JMJD1C: variants seen among roughly 807,000 people sequenced by gnomAD.
The protein encoded by JMJD1C is jumonji domain containing 1C, also known as jumonji domain-containing protein 1C.
Under a neutral mutation model 245.3 loss-of-function variants are expected in JMJD1C, and 31 were observed. That is an observed-to-expected ratio of 0.13 (90% CI 0.09 to 0.17). JMJD1C has a LOEUF of 0.17. Ranked by LOEUF, JMJD1C falls within the 10% of genes least tolerant of loss-of-function variation. The pLI, the probability that JMJD1C is intolerant of heterozygous loss-of-function variation, is 1.00. For synonymous variants in JMJD1C, 1,057 were observed against 1,017.4 expected, an observed-to-expected ratio of 1.04 and a Z score of -0.74; for missense variants, 2,691 against 3,000.2, an observed-to-expected ratio of 0.90 and a Z score of 2.41.
intron 2 of JMJD1C, among the ~76,000 whole-genome samples, chr10:63,297,672 C>T (rs1419939474): frequency 1.3e-5 from 2 of 152,178 alleles, no homozygotes; most frequent in African/African-American, 4.8e-5. Flanking sequence ...TTCCGTAACA[C>T]TACAGCCCTC....
At chr10:63,273,898 T>C (rs1358792715) in intron 2 of JMJD1C, among the ~76,000 whole-genome samples, 4 of 152,220 alleles carry the variant, frequency 2.6e-5, no homozygotes, top group Non-Finnish European at 5.9e-5. Flanking sequence ...GAATCTTATA[T>C]GTACAATTTT....
At chr10:63,247,864 C>CA (rs199945791) in intron 3 of JMJD1C, among the ~76,000 whole-genome samples, 3,728 of 118,382 alleles carry the variant, frequency 0.031, 155 homozygotes, top group African/African-American at 0.096. Flanking sequence ...CAAAACAAAA[C>CA]AAACAAAGAA....
intron 16 of JMJD1C, among the ~76,000 whole-genome samples, chr10:63,192,236 G>A (rs945826193): frequency 2.7e-4 from 36 of 130,972 alleles, no homozygotes; most frequent in Admixed American, 2.5e-4. Flanking sequence ...GCAACATGGC[G>A]AAACTTCATG....
At chr10:63,399,051 C>T (rs1443097774) in intron 1 of JMJD1C, among the ~76,000 whole-genome samples, 3 of 152,120 alleles carry the variant, frequency 2.0e-5, no homozygotes, top group Non-Finnish European at 4.4e-5. Context: ...GTTTTGAAAT[C>T]GGTTGGTATC....
intron 18 of JMJD1C, among the ~76,000 whole-genome samples, 154 bp from the exon 19 acceptor site, chr10:63,186,537 A>G (rs572628666): frequency 2.6e-5 from 4 of 152,154 alleles, no homozygotes; most frequent in Non-Finnish European, 1.5e-5. Context: ...GGCTCAATCA[A>G]TCCTTCTACC....
chr10:63,439,317 G>C (rs548928110), intron 1 of JMJD1C, among the ~76,000 whole-genome samples: 1 of 152,198 alleles, frequency 6.6e-6, no homozygotes, highest in East Asian at 1.9e-4. Context: ...CTTTCACTGA[G>C]AATTATTATT....
At chr10:63,334,960 T>C (rs1309606049) in intron 2 of JMJD1C, among the ~76,000 whole-genome samples, 1 of 144,762 alleles carries the variant, frequency 6.9e-6, no homozygotes, top group Non-Finnish European at 1.5e-5. Context: ...CTCCCGCCTC[T>C]GCCTCTCAAA....
In JMJD1C at chr10:63,214,316, A is replaced by G. The variant is rs750146391; in HGVS notation, c.1851T>C (p.Ser617=). The stretch of plus-strand genomic sequence containing the variant: ...TAGATTTTATAGTCTCTGGAGGTGG[A>G]CTTCGCTTATGCAGCTTATCTTCCA... ...SVMEDKLHKR[S]PPPETIKSKL... The change falls in exon 8 of 26, where the codon AGT becomes AGC. Residue 617 remains serine, a synonymous_variant. Coordinates refer to ENST00000399262, the MANE Select transcript of JMJD1C (RefSeq NM_032776.3). 6.2e-7 allele frequency: 1 copy of G among 1,614,004 alleles called. No homozygotes were observed. Among genetic ancestry groups the G allele is most frequent in the Non-Finnish European group, 8.5e-7 (1 of 1,179,902 alleles).
intron 1 of JMJD1C, among the ~76,000 whole-genome samples, chr10:63,413,215 G>GT (rs1347138918): frequency 6.6e-6 from 1 of 152,094 alleles, no homozygotes; most frequent in Non-Finnish European, 1.5e-5. Context: ...TCTTAAAGAG[G>GT]TAACAGGAAA....
chr10:63,420,117 C>G (rs1950035798), intron 1 of JMJD1C, among the ~76,000 whole-genome samples: 2 of 149,280 alleles, frequency 1.3e-5, no homozygotes. Context: ...GCCTGGGCAA[C>G]AGAGGAGACG....
At chr10:63,254,697 GT>G (rs989362596) in intron 3 of JMJD1C, among the ~76,000 whole-genome samples, 29 of 90,542 alleles carry the variant, frequency 3.2e-4, no homozygotes, top group Non-Finnish European at 3.5e-4. Flanking sequence ...TCCCGCAAAA[GT>G]TTTTTTTGTT....
intron 3 of JMJD1C, among the ~76,000 whole-genome samples, chr10:63,242,890 T>C (rs1405996950): frequency 2.0e-5 from 3 of 151,822 alleles, no homozygotes; most frequent in Admixed American, 6.6e-5. Context: ...TATTACCTCA[T>C]AGACAATGGC....
chr10:63,347,003 G>C (rs552549671), intron 2 of JMJD1C, among the ~76,000 whole-genome samples: 1 of 151,864 alleles, frequency 6.6e-6, no homozygotes, highest in South Asian at 2.1e-4. Context: ...AGTAAAGTTG[G>C]CCCCTCAGGG....
chr10:63,254,496 AG>A (rs1312736158), intron 3 of JMJD1C, among the ~76,000 whole-genome samples: 1 of 152,218 alleles, frequency 6.6e-6, no homozygotes, highest in Non-Finnish European at 1.5e-5. Flanking sequence ...TGGCTCACAA[AG>A]GCAGGCAGTG....
At chr10:63,257,748 T>C (rs951850115) in intron 3 of JMJD1C, among the ~76,000 whole-genome samples, 2 of 152,222 alleles carry the variant, frequency 1.3e-5, no homozygotes, top group South Asian at 4.1e-4. Flanking sequence ...ACAGTTTTGT[T>C]GTCATCTTTT....
chr10:63,229,931 T>C (rs946606664), intron 3 of JMJD1C, among the ~76,000 whole-genome samples: 1 of 152,218 alleles, frequency 6.6e-6, no homozygotes, highest in Non-Finnish European at 1.5e-5. Flanking sequence ...AGGTTTAGGT[T>C]TTTTTCCTAA....
intron 4 of JMJD1C, 115 bp from the exon 5 acceptor site, chr10:63,217,446 T>TTAC: frequency 1.3e-6 from 1 of 795,826 alleles, no homozygotes; most frequent in Non-Finnish European, 1.9e-6. Flanking sequence ...AACTATCAGT[T>TTAC]TTCAAAAAAA....
chr10:63,254,956 C>T (rs1329852010), intron 3 of JMJD1C, among the ~76,000 whole-genome samples: 1 of 151,968 alleles, frequency 6.6e-6, no homozygotes, highest in African/African-American at 2.4e-5. Flanking sequence ...TGGGCTCAAG[C>T]GATCCTCCTG....
intron 2 of JMJD1C, among the ~76,000 whole-genome samples, chr10:63,369,554 C>T (rs142595643): frequency 1.3e-5 from 2 of 152,292 alleles, no homozygotes; most frequent in East Asian, 3.9e-4. Context: ...AAATGATGTA[C>T]ATAATGGCTT....
Sources: allele counts gnomAD v4.1 joint callset (sites outside exome capture counted in the v4.1 genomes callset), GRCh38; gene constraint gnomAD v4.1.1; transcripts MANE v1.5; gene names NCBI Gene and HGNC (gene_info 2026-07-23, HGNC 2026-07-21).